The following SYT13 variants were observed in gnomAD, a reference collection of about 807,000 sequenced individuals.
SYT13 encodes the protein synaptotagmin-13.
In SYT13, 21 loss-of-function variants were observed where a neutral mutation model predicts 38.6. That is an observed-to-expected ratio of 0.54 (90% CI 0.39 to 0.78). The LOEUF (loss-of-function observed/expected upper bound fraction) is 0.78. Ranked by LOEUF, SYT13 falls within the 30% of genes least tolerant of loss-of-function variation. The pLI is 0.00. For synonymous variants in SYT13, 241 were observed against 237.6 expected (o/e 1.01, Z -0.13); for missense variants, 495 against 548.7 (o/e 0.90, Z 0.98).
intron 1 of SYT13, among the ~76,000 whole-genome samples, chr11:45,260,222 C>T (rs749913954): frequency 6.6e-6 from 1 of 152,240 alleles, no homozygotes; most frequent in Non-Finnish European, 1.5e-5. Context: ...GAATGACTTA[C>T]AGCCTTTGCC....
Position 45,255,875 on chromosome 11 carries a change from G to C in SYT13, c.200C>G (p.Ser67Cys). 6.2e-7 allele frequency: 1 copy of C among 1,614,138 alleles called. No individual in the cohort carries two copies. Among genetic ancestry groups the C allele is most frequent in the Non-Finnish European group, 8.5e-7 (1 of 1,180,022 alleles). The change falls in exon 2 of 6, where the codon TCC becomes TGC. Residue 67 changes from serine (S) to cysteine (C), a missense_variant. By Grantham distance (112) the Ser-to-Cys change is moderately radical (BLOSUM62 -1). Transcript: ENST00000020926. ...GSAQQFNVKK[S>C]TEPVQPRALL... Reference sequence around the variant, plus strand: ...GGCACGGGGCTGAACAGGTTCCGTGGACTTTTTAACATTGAACTGCAAACA... The same window carrying C: ...GGCACGGGGCTGAACAGGTTCCGTGCACTTTTTAACATTGAACTGCAAACA...
chr11:45,255,775 A>G lies in SYT13; in HGVS notation c.300T>C (p.Tyr100=), dbSNP rs61738991. 3.4e-4 allele frequency: 541 copies of G among 1,614,150 alleles called. 4 individuals are homozygous for G. In the African/African-American group the frequency reaches 6.0e-3, roughly 18 times the overall value. The change falls in exon 2 of 6, where the codon TAT becomes TAC. Residue 100 remains tyrosine, a synonymous_variant. Transcript: ENST00000020926. ...TAPEVINYAD[Y]SLRSTEEPTA... ...TGGGCTCCTCCGTAGACCTCAGTGA[A>G]TAGTCTGCATAGTTGATGACCTCTG... is the stretch of plus-strand genomic sequence containing the variant.
rs374328770 is a variant in SYT13, at chr11:45,270,422, G to C, written c.184-14531C>G. Among the ~76,000 whole-genome samples, 79 of 152,218 alleles carry C rather than the reference G, an allele frequency of 5.2e-4. 1 individual carries two copies. In the East Asian group the frequency reaches 0.011, roughly 21 times the overall value. On this transcript the variant is annotated intron_variant, in intron 1 of 5. Transcript: ENST00000020926. ...CAGTTTCCTTGGCATTGAAATTAGGGTGTTCTTTCAGAGAAGCTATAGGAT... is the reference window on the plus strand; with the variant it reads ...CAGTTTCCTTGGCATTGAAATTAGGCTGTTCTTTCAGAGAAGCTATAGGAT...
intron 1 of SYT13, among the ~76,000 whole-genome samples, chr11:45,258,813 G>A (rs957445479): frequency 1.3e-5 from 2 of 152,136 alleles, no homozygotes; most frequent in African/African-American, 4.8e-5. Flanking sequence ...TCTGACAGCA[G>A]ATGCTCAGGG....
At chr11:45,276,330 G>A (rs1039973274) in intron 1 of SYT13, among the ~76,000 whole-genome samples, 1 of 152,162 alleles carries the variant, frequency 6.6e-6, no homozygotes, top group Non-Finnish European at 1.5e-5. Context: ...ACTAACACAG[G>A]AACTGAAAAC....
intron 1 of SYT13, among the ~76,000 whole-genome samples, chr11:45,261,233 T>A (rs973376707): frequency 2.2e-4 from 34 of 152,292 alleles, no homozygotes; most frequent in African/African-American, 7.5e-4. Flanking sequence ...TTGGTGAGGA[T>A]GTGAAGAAAT....
intron 1 of SYT13, among the ~76,000 whole-genome samples, chr11:45,264,282 A>G (rs1043528121): frequency 6.6e-6 from 1 of 152,198 alleles, no homozygotes; most frequent in Non-Finnish European, 1.5e-5. Context: ...ACGCCCTTGT[A>G]TAATCCCCTG....
intron 1 of SYT13, among the ~76,000 whole-genome samples, chr11:45,257,367 C>G (rs1365643871): frequency 6.6e-6 from 1 of 152,110 alleles, no homozygotes; most frequent in Non-Finnish European, 1.5e-5. Context: ...ATAAAAAAGC[C>G]CTCAGGTTAA....
At chr11:45,276,721 A>AAT (rs1554981754) in intron 1 of SYT13, among the ~76,000 whole-genome samples, 7 of 150,518 alleles carry the variant, frequency 4.7e-5, no homozygotes, top group Non-Finnish European at 7.4e-5. Context: ...TTAAAAAAAA[A>AAT]AAATAAATAA....
In SYT13 at chr11:45,243,792, G is replaced by A; in HGVS notation, c.*260C>T. ...TGGCCTAACCCCACCTATAAAACAG[G>A]CATAGGAACTGTATTTAATAAGCAC... On this transcript the variant is annotated 3_prime_UTR_variant, in exon 6 of 6. Transcript: ENST00000020926. 1 of 438,576 alleles carries A rather than the reference G, an allele frequency of 2.3e-6. No individual in the cohort carries two copies. The highest frequency in any genetic ancestry group is 5.2e-5 in the South Asian group (1 of 19,408). 27.2% of individuals were successfully genotyped at this position (438,576 alleles called of 1,614,324 possible). A position where few individuals can be genotyped will look rare whatever the true frequency, so the allele number is the denominator to read the frequency against.
intron 1 of SYT13, among the ~76,000 whole-genome samples, chr11:45,268,457 G>A (rs760931381): frequency 6.6e-6 from 1 of 152,108 alleles, no homozygotes; most frequent in Non-Finnish European, 1.5e-5. Flanking sequence ...AAAAGTCCCT[G>A]AGCTAAAATT....
intron 1 of SYT13, among the ~76,000 whole-genome samples, chr11:45,265,582 C>T (rs1368666519): frequency 1.3e-5 from 2 of 152,208 alleles, no homozygotes; most frequent in Non-Finnish European, 2.9e-5. Flanking sequence ...GGAAAGCCCA[C>T]TTCCCGGTTT....
Position 45,246,415 on chromosome 11 carries a change from T to G in SYT13, c.944A>C (p.His315Pro). 6.2e-7 allele frequency: 1 copy of G among 1,613,830 alleles called. No individual in the cohort carries two copies. The highest frequency in any genetic ancestry group is 8.5e-7 in the Non-Finnish European group (1 of 1,179,962). The change falls in exon 5 of 6, where the codon CAC becomes CCC. Residue 315 changes from histidine (H) to proline (P), a missense_variant. Coordinates refer to ENST00000020926, the MANE Select transcript of SYT13 (RefSeq NM_020826.3). ...LVVLIKAKNL[H>P]SNQSKELLGK... ...CAGGAGCTCCTTGGACTGGTTAGAG[T>G]GGAGGTTCTTGGCTTTAATCAGCAC...
At chr11:45,274,812 G>A (rs903021568) in intron 1 of SYT13, among the ~76,000 whole-genome samples, 8 of 152,036 alleles carry the variant, frequency 5.3e-5, no homozygotes, top group Admixed American at 1.3e-4. Context: ...CCTTTACATC[G>A]TGCTGTTCTT....
At position 45,246,467 on chromosome 11, in the gene SYT13, G is replaced by C; in HGVS notation, c.892C>G (p.Leu298Val). The C allele has an allele frequency of 6.2e-7, 1 of 1,614,178 alleles. No individual in the cohort carries two copies. The highest frequency in any genetic ancestry group is 1.1e-5 in the South Asian group (1 of 91,084). The part of the protein sequence containing the change: ...AGEVLLSISY[L>V]PAANRLLVVL... Reference sequence around the variant, plus strand: ...ACCAGGAGGCGGTTGGCAGCCGGGAGGTAGCTGATGGATAGTAGGACCTCT... The same window carrying C: ...ACCAGGAGGCGGTTGGCAGCCGGGACGTAGCTGATGGATAGTAGGACCTCT... The change falls in exon 5 of 6, where the codon CTC (leucine) becomes GTC (valine). Residue 298 changes from leucine to valine, a missense_variant. Leu to Val is a conservative substitution (Grantham distance 32). Transcript: ENST00000020926.
intron 4 of SYT13, among the ~76,000 whole-genome samples, chr11:45,249,773 A>C (rs936402410): frequency 1.3e-5 from 2 of 152,344 alleles, no homozygotes; most frequent in South Asian, 4.1e-4. Flanking sequence ...GGGGAGGGAT[A>C]GCATTAGGAG....
intron 1 of SYT13, among the ~76,000 whole-genome samples, chr11:45,262,900 G>A (rs1854836800): frequency 6.6e-6 from 1 of 152,182 alleles, no homozygotes; most frequent in South Asian, 2.1e-4. Flanking sequence ...TGAGCAGGAA[G>A]ACAGGCAATG....
intron 4 of SYT13, among the ~76,000 whole-genome samples, chr11:45,249,109 CT>C (rs1854645474): frequency 6.6e-6 from 1 of 152,184 alleles, no homozygotes; most frequent in African/African-American, 2.4e-5. Flanking sequence ...ACAGACACTT[CT>C]CAAAAGAAGA....
intron 1 of SYT13, among the ~76,000 whole-genome samples, chr11:45,258,127 G>A (rs4992029): frequency 0.33 from 50,628 of 152,054 alleles, 8,588 homozygotes; most frequent in South Asian, 0.4. Context: ...CAGCTGGTGA[G>A]GGCAGCAGCA....
Sources: gnomAD v4.1 joint callset for allele counts (sites outside exome capture counted in the v4.1 genomes callset) on GRCh38, gnomAD v4.1.1 for gene constraint, MANE v1.5 for transcripts, NCBI Gene and HGNC (gene_info 2026-07-23, HGNC 2026-07-21) for gene names.